THADA: variants seen among roughly 807,000 people sequenced by gnomAD.
THADA encodes THADA armadillo repeat containing.
A neutral mutation model predicts 219.8 loss-of-function variants in THADA; 213 were observed. The ratio of observed to expected loss-of-function variants is 0.97; its 90% confidence interval spans 0.87 to 1.09. The LOEUF (loss-of-function observed/expected upper bound fraction) is 1.09. Among genes scored for constraint, THADA ranks in the 50% least tolerant of loss-of-function variants. THADA has a pLI of 0.00. For missense variants in THADA, 2,956 were observed against 2,311.3 expected, an observed-to-expected ratio of 1.28 and a Z score of -5.72; for synonymous variants, 1,018 against 828.9, an observed-to-expected ratio of 1.23 and a Z score of -3.92.
chr2:43,526,254 T>C (rs1693147535), intron 22 of THADA, among the ~76,000 whole-genome samples: 2 of 152,180 alleles, frequency 1.3e-5, no homozygotes, highest in African/African-American at 4.8e-5. Flanking sequence ...CTGGTATTCC[T>C]CCATTCTATG....
At chr2:43,584,334 T>A (rs1007899199) in intron 7 of THADA, among the ~76,000 whole-genome samples, 2 of 152,250 alleles carry the variant, frequency 1.3e-5, no homozygotes, top group East Asian at 3.9e-4. Flanking sequence ...CTTGGAGTAA[T>A]AAATTTGGGA....
At chr2:43,578,427 G>T (rs994853880) in intron 9 of THADA, 86 bp downstream of exon 9, 3 of 946,392 alleles carry the variant, frequency 3.2e-6, no homozygotes, top group Non-Finnish European at 4.8e-6. Context: ...GATTATAAGT[G>T]TGAGCCACTG....
At chr2:43,312,120 G>C (rs1677580940) in intron 31 of THADA, among the ~76,000 whole-genome samples, 1 of 151,956 alleles carries the variant, frequency 6.6e-6, no homozygotes, top group Non-Finnish European at 1.5e-5. Flanking sequence ...TCAGGAGGCT[G>C]AGGCAGGAGG....
chr2:43,263,499 G>A (rs940678352), intron 36 of THADA, among the ~76,000 whole-genome samples: 4 of 152,116 alleles, frequency 2.6e-5, no homozygotes, highest in South Asian at 2.1e-4. Context: ...GGATGTATCC[G>A]AGGTATACAA....
At chr2:43,331,418 A>G (rs537041298) in intron 30 of THADA, among the ~76,000 whole-genome samples, 1 of 152,356 alleles carries the variant, frequency 6.6e-6, no homozygotes, top group African/African-American at 2.4e-5. Flanking sequence ...GGTTGGAAAG[A>G]TGTAAAGCAT....
chr2:43,281,438 TTC>T (rs1188904504), intron 35 of THADA, among the ~76,000 whole-genome samples: 2 of 126,232 alleles, frequency 1.6e-5, no homozygotes, highest in Non-Finnish European at 3.2e-5. Context: ...TCTCATGTAC[TTC>T]TTTTTTTTTT....
At position 43,462,073 on chromosome 2, in the gene THADA, G is replaced by A. The variant is rs1488876781; in HGVS notation, c.3836+23161C>T. On this transcript the variant is annotated intron_variant, in intron 26 of 37. Transcript: ENST00000405975. ...ATCTGAGGAAGGCTGCTGAATCAAG[G>A]GGATTTCGGGCTGCATTTTATACTT... 3.3e-5 allele frequency among the ~76,000 whole-genome samples: 5 copies of A among 152,254 alleles called. No homozygotes were observed. In the East Asian group the frequency reaches 5.8e-4, roughly 18 times the overall value.
intron 36 of THADA, among the ~76,000 whole-genome samples, chr2:43,263,591 C>T (rs1671201048): frequency 6.6e-6 from 1 of 152,140 alleles, no homozygotes; most frequent in Non-Finnish European, 1.5e-5. Flanking sequence ...CAAGCCAGGT[C>T]CTCAAGTGAC....
chr2:43,473,582 A>C (rs1685168827), intron 26 of THADA, among the ~76,000 whole-genome samples: 2 of 152,130 alleles, frequency 1.3e-5, no homozygotes, highest in South Asian at 4.1e-4. Context: ...TTTTGTGTCA[A>C]GTATCACATT....
chr2:43,386,065 A>G (rs1377259887), intron 29 of THADA, among the ~76,000 whole-genome samples: 1 of 152,134 alleles, frequency 6.6e-6, no homozygotes. Flanking sequence ...AAAACATCTG[A>G]TATCTGATGC....
intron 36 of THADA, among the ~76,000 whole-genome samples, chr2:43,265,902 T>C (rs1671454772): frequency 6.7e-6 from 1 of 148,674 alleles, no homozygotes; most frequent in Non-Finnish European, 1.5e-5. Flanking sequence ...GGGGCGAGGA[T>C]GATAATCCGA....
At chr2:43,379,230 T>G (rs1002637718) in intron 29 of THADA, among the ~76,000 whole-genome samples, 1 of 152,160 alleles carries the variant, frequency 6.6e-6, no homozygotes, top group Non-Finnish European at 1.5e-5. Context: ...CTTTAAGATT[T>G]TATGGACAAC....
In THADA at chr2:43,579,889, A is replaced by T. The variant is rs1281979926; in HGVS notation, c.722-1282T>A. Among the ~76,000 whole-genome samples the T allele has an allele frequency of 2.6e-5, 4 of 152,218 alleles. No homozygotes were observed. The East Asian group carries it at 7.7e-4, about 29-fold the overall frequency. On this transcript the variant is annotated intron_variant, in intron 8 of 37. Coordinates refer to ENST00000405975, the MANE Select transcript of THADA (RefSeq NM_022065.5). Reference sequence around the variant, plus strand: ...ACCAGTTCTGGATGACCTGCCTCTGAACTTGTTATGTGGGAAAGGAGGTTT... The same window carrying T: ...ACCAGTTCTGGATGACCTGCCTCTGTACTTGTTATGTGGGAAAGGAGGTTT...
At chr2:43,487,967 G>A (rs12988285) in intron 25 of THADA, among the ~76,000 whole-genome samples, 28,608 of 152,074 alleles carry the variant, frequency 0.19, 3,478 homozygotes, top group Non-Finnish European at 0.27. Flanking sequence ...GCAAAATCAC[G>A]ATATTCTATA....
chr2:43,544,877 T>C (rs1695816401), intron 20 of THADA, among the ~76,000 whole-genome samples: 1 of 149,922 alleles, frequency 6.7e-6, no homozygotes. Flanking sequence ...TTCCTTCTCC[T>C]GCCTAATTGC....
chr2:43,562,240 C>T (rs79437556), intron 15 of THADA: 2,907 of 151,718 alleles, frequency 0.019, 48 homozygotes, highest in South Asian at 0.026. Context: ...CTTCTCTTCT[C>T]CTCTGTTTTC....
At chr2:43,518,948 G>C (rs1360577422) in intron 22 of THADA, among the ~76,000 whole-genome samples, 4 of 151,982 alleles carry the variant, frequency 2.6e-5, no homozygotes, top group Admixed American at 6.6e-5. Flanking sequence ...CCAACTGTCT[G>C]CTATCCCGCT....
At chr2:43,501,082 G>A (rs1688889589) in intron 24 of THADA, among the ~76,000 whole-genome samples, 1 of 151,930 alleles carries the variant, frequency 6.6e-6, no homozygotes. Flanking sequence ...GAAGTAGGTG[G>A]ATCACCTGAG....
Position 43,291,168 on chromosome 2 carries a change from G to A in THADA, c.5010+528C>T, listed in dbSNP as rs1381483894. Among the ~76,000 whole-genome samples, 3 of 152,128 alleles carry A rather than the reference G, an allele frequency of 2.0e-5. No individual in the cohort carries two copies. In the East Asian group the frequency reaches 5.8e-4, roughly 29 times the overall value. On this transcript the variant is annotated intron_variant, in intron 34 of 37. Coordinates refer to ENST00000405975, the MANE Select transcript of THADA (RefSeq NM_022065.5). ...TCTAATTAAAAAAATGCCTAAAACA[G>A]GCTGGGCGCAGTGGCCCACATCTGT...
Sources: allele counts gnomAD v4.1 joint callset (sites outside exome capture counted in the v4.1 genomes callset), GRCh38; gene constraint gnomAD v4.1.1; transcripts MANE v1.5; gene names NCBI Gene and HGNC (gene_info 2026-07-23, HGNC 2026-07-21).